CCDC148: variants seen among roughly 807,000 people sequenced by gnomAD.
CCDC148 encodes coiled-coil domain-containing protein 148.
Under a neutral mutation model 85.7 loss-of-function variants are expected in CCDC148, and 89 were observed. The ratio of observed to expected loss-of-function variants is 1.04; its 90% confidence interval spans 0.87 to 1.24. CCDC148 has a LOEUF of 1.24. Ranked by LOEUF, CCDC148 falls within the 50% of genes most tolerant of loss-of-function variation. CCDC148 has a pLI of 0.00. For missense variants in CCDC148, 692 were observed against 671.7 expected, an observed-to-expected ratio of 1.03 and a Z score of -0.33; for synonymous variants, 230 against 213.9, an observed-to-expected ratio of 1.08 and a Z score of -0.66.
intron 7 of CCDC148, among the ~76,000 whole-genome samples, chr2:158,329,192 C>T (rs889293826): frequency 3.3e-5 from 5 of 152,064 alleles, no homozygotes; most frequent in African/African-American, 7.2e-5. Flanking sequence ...AATTTTTGTA[C>T]ATGGTGTAAG....
chr2:158,272,914 T>C (rs1049840616), intron 9 of CCDC148, among the ~76,000 whole-genome samples: 1 of 152,216 alleles, frequency 6.6e-6, no homozygotes, highest in Admixed American at 6.5e-5. Flanking sequence ...CATCCCACAA[T>C]GTATACATAC....
chr2:158,191,746 CG>C (rs1685434271), intron 11 of CCDC148, among the ~76,000 whole-genome samples: 1 of 151,916 alleles, frequency 6.6e-6, no homozygotes, highest in Non-Finnish European at 1.5e-5. Context: ...TAGCAGTTTC[CG>C]TTTTGTCTCA....
intron 9 of CCDC148, among the ~76,000 whole-genome samples, chr2:158,278,985 C>A (rs894500517): frequency 6.6e-6 from 1 of 152,198 alleles, no homozygotes; most frequent in Non-Finnish European, 1.5e-5. Flanking sequence ...AACCACTGTT[C>A]TGCAGACACC....
At chr2:158,280,010 C>A (rs560363414) in intron 9 of CCDC148, among the ~76,000 whole-genome samples, 1 of 151,762 alleles carries the variant, frequency 6.6e-6, no homozygotes, top group East Asian at 1.9e-4. Context: ...CCCAGAATTT[C>A]ATATCCAGCC....
chr2:158,287,641 G>A lies in CCDC148; in HGVS notation c.1110+21792C>T, dbSNP rs7579409. ...ACACTGATGCAAGAGGTGGGTTTCC[G>A]TGATCTTGAGCAGCTCTGCCCCTAT... On this transcript the variant is annotated intron_variant, in intron 9 of 13. Coordinates refer to ENST00000283233, the MANE Select transcript of CCDC148 (RefSeq NM_138803.4). Among the ~76,000 whole-genome samples, 674 of 152,294 alleles carry A rather than the reference G, an allele frequency of 4.4e-3. 4 individuals are homozygous for A. The highest frequency in any genetic ancestry group is 0.015 in the African/African-American group (624 of 41,558).
In CCDC148 at chr2:158,298,465, T is replaced by C. The variant is rs141927134; in HGVS notation, c.1110+10968A>G. Among the ~76,000 whole-genome samples the C allele has an allele frequency of 3.6e-3, 555 of 152,308 alleles. 17 individuals are homozygous for C. The East Asian group carries it at 0.079, about 22-fold the overall frequency. On this transcript the variant is annotated intron_variant, in intron 9 of 13. Transcript: ENST00000283233. ...TCTATTTTATTCTCTCTCTTCTTTT[T>C]CTGGAACTTTAATTACATATATAAT...
At chr2:158,224,552 G>A (rs542457863) in intron 10 of CCDC148, among the ~76,000 whole-genome samples, 5 of 152,194 alleles carry the variant, frequency 3.3e-5, no homozygotes, top group Non-Finnish European at 5.9e-5. Context: ...GGCAGCCAGA[G>A]AGAAAGGTTG....
At chr2:158,261,898 C>G (rs772151583) in intron 9 of CCDC148, among the ~76,000 whole-genome samples, 1 of 151,814 alleles carries the variant, frequency 6.6e-6, no homozygotes, top group African/African-American at 2.4e-5. Flanking sequence ...AAAAGAGAAC[C>G]CTTAAACACT....
intron 9 of CCDC148, among the ~76,000 whole-genome samples, chr2:158,298,885 G>C (rs1691315375): frequency 6.6e-6 from 1 of 151,912 alleles, no homozygotes; most frequent in Admixed American, 6.6e-5. Flanking sequence ...TTATCTATCT[G>C]ATTTTCCTGT....
intron 1 of CCDC148, among the ~76,000 whole-genome samples, chr2:158,406,613 C>CTTTTTTTTTCTGTTTTTTTTTT (rs1559124447): frequency 9.5e-5 from 3 of 31,456 alleles, no homozygotes; most frequent in Non-Finnish European, 1.9e-4. Context: ...GATTAAATTT[C>CTTTTTTTTTCTGTTTTTTTTTT]TTTTTTTTTT....
chr2:158,298,240 C>G (rs1214351519), intron 9 of CCDC148, among the ~76,000 whole-genome samples: 1 of 152,134 alleles, frequency 6.6e-6, no homozygotes, highest in Non-Finnish European at 1.5e-5. Context: ...ATGGGAATTA[C>G]AATTCAAGAT....
At chr2:158,317,402 C>T in intron 7 of CCDC148, among the ~76,000 whole-genome samples, 1 of 152,062 alleles carries the variant, frequency 6.6e-6, no homozygotes, top group Non-Finnish European at 1.5e-5. Flanking sequence ...AGGTATTTAC[C>T]ATTCAATTCT....
At chr2:158,181,432 C>T (rs1272173415) in intron 11 of CCDC148, among the ~76,000 whole-genome samples, 1 of 152,132 alleles carries the variant, frequency 6.6e-6, no homozygotes, top group Non-Finnish European at 1.5e-5. Flanking sequence ...ACATGGGAGA[C>T]ATGCTCCTGT....
chr2:158,352,842 C>T (rs1683394482), intron 2 of CCDC148, among the ~76,000 whole-genome samples: 1 of 152,116 alleles, frequency 6.6e-6, no homozygotes, highest in African/African-American at 2.4e-5. Flanking sequence ...TCGGGTTACT[C>T]TCAAAGGGAA....
At chr2:158,321,974 T>C (rs1346374073) in intron 7 of CCDC148, among the ~76,000 whole-genome samples, 1 of 152,212 alleles carries the variant, frequency 6.6e-6, no homozygotes, top group Non-Finnish European at 1.5e-5. Flanking sequence ...ACACTGATGA[T>C]ATTCACACAT....
At chr2:158,279,798 A>G in intron 9 of CCDC148, among the ~76,000 whole-genome samples, 1 of 151,936 alleles carries the variant, frequency 6.6e-6, no homozygotes, top group Non-Finnish European at 1.5e-5. Flanking sequence ...ACTCCTCGAG[A>G]AGACCAACTC....
chr2:158,352,464 G>A (rs75081306), intron 2 of CCDC148, among the ~76,000 whole-genome samples: 3 of 152,154 alleles, frequency 2.0e-5, no homozygotes, highest in Non-Finnish European at 2.9e-5. Flanking sequence ...TCAGCTGGAA[G>A]AAAGGGTATC....
chr2:158,425,182 C>T (rs1687018146), intron 1 of CCDC148: 1 of 527,530 alleles, frequency 1.9e-6, no homozygotes, highest in Admixed American at 2.0e-5. Context: ...TATGATCATG[C>T]TGGGTATAAC....
chr2:158,224,179 C>A (rs557250368), intron 10 of CCDC148, among the ~76,000 whole-genome samples: 1 of 152,198 alleles, frequency 6.6e-6, no homozygotes, highest in South Asian at 2.1e-4. Flanking sequence ...AATGCACAAG[C>A]CTCAGTAGCC....
Sources: gnomAD v4.1 joint callset for allele counts (sites outside exome capture counted in the v4.1 genomes callset) on GRCh38, gnomAD v4.1.1 for gene constraint, MANE v1.5 for transcripts, NCBI Gene and HGNC (gene_info 2026-07-23, HGNC 2026-07-21) for gene names.